SLC5A11: variants seen among roughly 807,000 people sequenced by gnomAD.
The protein encoded by SLC5A11 is solute carrier family 5 member 11, also known as sodium/myo-inositol cotransporter 2.
A neutral mutation model predicts 69.8 loss-of-function variants in SLC5A11; 48 were observed. The ratio of observed to expected loss-of-function variants is 0.69; its 90% confidence interval spans 0.55 to 0.87. The LOEUF is 0.87. SLC5A11 is among the 40% of genes least tolerant of loss of function. The probability of loss-of-function intolerance (pLI) is 0.00; values close to 1 mark genes in which losing one functional copy is unlikely to be tolerated. For synonymous variants in SLC5A11, 319 were observed against 342.4 expected, an observed-to-expected ratio of 0.93 and a Z score of 0.75; for missense variants, 784 against 866.1, an observed-to-expected ratio of 0.91 and a Z score of 1.19.
chr16:24,865,401 C>T (rs546631095), intron 3 of SLC5A11, among the ~76,000 whole-genome samples: 7 of 152,072 alleles, frequency 4.6e-5, no homozygotes, highest in Admixed American at 1.3e-4. Context: ...TCTCTACTTA[C>T]AAAAAATTAG....
At chr16:24,908,209 G>T in intron 13 of SLC5A11, 78 bp downstream of exon 14, 1 of 1,466,742 alleles carries the variant, frequency 6.8e-7, no homozygotes, top group Non-Finnish European at 9.1e-7. Context: ...AGGGGAGGGT[G>T]TTGGAGGGAG....
At chr16:24,898,612 G>T (rs376792906) in intron 10 of SLC5A11, among the ~76,000 whole-genome samples, 2 of 151,196 alleles carry the variant, frequency 1.3e-5, no homozygotes, top group East Asian at 3.9e-4. Context: ...TCTGCCTCCT[G>T]GGTTCACGCC....
chr16:24,874,429 T>C (rs1373482415), intron 5 of SLC5A11, among the ~76,000 whole-genome samples: 1 of 152,230 alleles, frequency 6.6e-6, no homozygotes, highest in Non-Finnish European at 1.5e-5. Context: ...AGTAGTTCTA[T>C]CCATTTATAT....
chr16:24,907,921 G>T (rs757731180), intron 12 of SLC5A11, 42 bp from the exon 14 acceptor site: 2 of 1,573,714 alleles, frequency 1.3e-6, no homozygotes, highest in African/African-American at 3.1e-5. Context: ...AGGAGTAAAT[G>T]TTCAGATGAT....
intron 1 of SLC5A11, among the ~76,000 whole-genome samples, chr16:24,849,620 A>ATATATATATATATATATC (rs1210387914): frequency 1.5e-5 from 2 of 131,736 alleles, no homozygotes; most frequent in Non-Finnish European, 3.2e-5. Flanking sequence ...ATATATATAT[A>ATATATATATATATATATC]TATCCATGAG....
intron 9 of SLC5A11, among the ~76,000 whole-genome samples, chr16:24,896,254 GCA>G (rs1187488748): frequency 6.6e-6 from 1 of 151,940 alleles, no homozygotes; most frequent in Non-Finnish European, 1.5e-5. Flanking sequence ...GGAGGCTGAG[GCA>G]GGAGAATTGT....
intron 1 of SLC5A11, among the ~76,000 whole-genome samples, chr16:24,848,845 G>A (rs116781110): frequency 0.031 from 4,715 of 152,160 alleles, 260 homozygotes; most frequent in African/African-American, 0.11. Context: ...AATGGATATC[G>A]GGGAGGTAAG....
chr16:24,849,991 G>A (rs111981571), intron 1 of SLC5A11, among the ~76,000 whole-genome samples: 1 of 152,164 alleles, frequency 6.6e-6, no homozygotes, highest in African/African-American at 2.4e-5. Flanking sequence ...GGTCTGGAGT[G>A]CAGTGGTGCA....
chr16:24,849,591 AAAATATAT>A (rs1259831340), intron 1 of SLC5A11, among the ~76,000 whole-genome samples: 6 of 57,522 alleles, frequency 1.0e-4, no homozygotes, highest in Admixed American at 1.8e-4. Context: ...AAAAAAAAAA[AAAATATAT>A]ATATATATAT....
chr16:24,901,927 AAAAT>A (rs1258037298), intron 10 of SLC5A11, among the ~76,000 whole-genome samples: 8 of 126,812 alleles, frequency 6.3e-5, no homozygotes, highest in African/African-American at 2.6e-4. Context: ...TCTGGAAAAA[AAAAT>A]ACACACACAC....
In SLC5A11 at chr16:24,884,143, C is replaced by T; in HGVS notation, c.664+12C>T. 6.2e-7 allele frequency: 1 copy of T among 1,612,900 alleles called. No homozygotes were observed. Among genetic ancestry groups the T allele is most frequent in the South Asian group, 1.1e-5 (1 of 90,970 alleles). The stretch of plus-strand genomic sequence containing the variant: ...CTTGATGGGCTACAGTAAGTGGGGT[C>T]CCCGGGTCACTGGGGCGGACAACAG... On this transcript the variant is annotated intron_variant, in intron 8 of 15. Transcript: ENST00000347898.
At chr16:24,870,079 G>A in intron 4 of SLC5A11, 74 bp downstream of exon 5, 1 of 1,064,296 alleles carries the variant, frequency 9.4e-7, no homozygotes, top group East Asian at 2.4e-5. Context: ...AAAGTTGTGT[G>A]AATGCCCTGC....
At chr16:24,880,051 T>G (rs530163251) in intron 7 of SLC5A11, among the ~76,000 whole-genome samples, 1 of 152,202 alleles carries the variant, frequency 6.6e-6, no homozygotes, top group African/African-American at 2.4e-5. Flanking sequence ...GTGGGATTGC[T>G]GGTCAAATGA....
At chr16:24,883,345 G>A (rs1160980480) in intron 7 of SLC5A11, among the ~76,000 whole-genome samples, 1 of 152,158 alleles carries the variant, frequency 6.6e-6, no homozygotes, top group Non-Finnish European at 1.5e-5. Flanking sequence ...AGCCTGGGTT[G>A]ACAGAGTGAG....
intron 11 of SLC5A11, 41 bp downstream of exon 12, chr16:24,906,805 C>G (rs2050100798): frequency 6.5e-7 from 1 of 1,547,880 alleles, no homozygotes; most frequent in African/African-American, 1.4e-5. Flanking sequence ...CCTGGAGCAC[C>G]CAGAAAGGAG....
chr16:24,869,038 T>C (rs2047104957), intron 3 of SLC5A11, among the ~76,000 whole-genome samples: 1 of 152,116 alleles, frequency 6.6e-6, no homozygotes, highest in Admixed American at 6.5e-5. Flanking sequence ...CAGCTAACTT[T>C]TGTATTTTTA....
chr16:24,872,033 C>T, intron 4 of SLC5A11, 127 bp from the exon 6 acceptor site: 1 of 1,044,560 alleles, frequency 9.6e-7, no homozygotes, highest in Non-Finnish European at 1.5e-6. Context: ...AGGTGAACCA[C>T]TCAGCGAGTA....
chr16:24,872,266 G>C, intron 5 of SLC5A11, 47 bp downstream of exon 6: 2 of 1,607,276 alleles, frequency 1.2e-6, no homozygotes, highest in Non-Finnish European at 1.7e-6. Flanking sequence ...AGATGCTTTG[G>C]GAATCTCAGC....
At chr16:24,849,383 A>G (rs2152184725) in intron 1 of SLC5A11, among the ~76,000 whole-genome samples, 1 of 151,696 alleles carries the variant, frequency 6.6e-6, no homozygotes, top group Non-Finnish European at 1.5e-5. Context: ...GCTGGGCAAC[A>G]TGGTGAAACC....
Sources: allele counts gnomAD v4.1 joint callset (sites outside exome capture counted in the v4.1 genomes callset), GRCh38; gene constraint gnomAD v4.1.1; transcripts MANE v1.5; gene names NCBI Gene and HGNC (gene_info 2026-07-23, HGNC 2026-07-21).